The following ZFYVE26 variants were observed in gnomAD, a reference collection of about 807,000 sequenced individuals.
The protein encoded by ZFYVE26 is zinc finger FYVE domain-containing protein 26.
In ZFYVE26, 181 loss-of-function variants were observed where a neutral mutation model predicts 276.5. The ratio of observed to expected loss-of-function variants is 0.65; its 90% CI spans 0.58 to 0.74. The LOEUF is 0.74. Ranked by LOEUF, ZFYVE26 falls within the 30% of genes least tolerant of loss-of-function variation. The pLI is 0.00. For missense variants in ZFYVE26, 2,821 were observed against 3,097.9 expected (o/e 0.91, Z 2.12); for synonymous variants, 1,129 against 1,203.1 (o/e 0.94, Z 1.27).
exon 14 of ZFYVE26, chr14:67,729,422 T>C (rs1474701367): frequency 1.3e-6 from 2 of 1,571,890 alleles, no homozygotes; most frequent in East Asian, 4.5e-5. Context: ...CCTGTGTGCA[T>C]GGGAGGTGCC....
In ZFYVE26 at chr14:67,764,786, G is replaced by A. The variant is rs561917259; in HGVS notation, c.6011+1441C>T. Among the ~76,000 whole-genome samples, 9 of 152,252 alleles carry A rather than the reference G, an allele frequency of 5.9e-5. No homozygotes were observed. In the East Asian group the frequency reaches 1.7e-3, roughly 29 times the overall value. On this transcript the variant is annotated intron_variant, in intron 32 of 41. Coordinates refer to ENST00000347230, the MANE Select transcript of ZFYVE26 (RefSeq NM_015346.4). ...TGTCAAAGACGCGCAAGACACCTTG[G>A]GGTGGGTGAGAATCCTATTAAAGTG...
intron 32 of ZFYVE26, among the ~76,000 whole-genome samples, 184 bp downstream of exon 32, chr14:67,766,043 G>A (rs1185475044): frequency 6.6e-6 from 1 of 152,232 alleles, no homozygotes; most frequent in East Asian, 1.9e-4. Context: ...CAGGGTGTCA[G>A]GTAGGATGGG....
At chr14:67,795,547 G>A (rs756414703) in intron 12 of ZFYVE26, among the ~76,000 whole-genome samples, 24 of 152,082 alleles carry the variant, frequency 1.6e-4, no homozygotes, top group Non-Finnish European at 3.1e-4. Context: ...CAAATTGTTC[G>A]AAGTCAAAAG....
At chr14:67,759,472 A>C (rs1321016929) in intron 35 of ZFYVE26, among the ~76,000 whole-genome samples, 1 of 151,896 alleles carries the variant, frequency 6.6e-6, no homozygotes, top group Non-Finnish European at 1.5e-5. Flanking sequence ...AAAAATACAA[A>C]AATTAGCCAG....
chr14:67,794,290 G>C, intron 12 of ZFYVE26, 51 bp from the exon 13 acceptor site: 1 of 1,576,598 alleles, frequency 6.3e-7, no homozygotes, highest in Non-Finnish European at 8.7e-7. Flanking sequence ...TCCTTATAGA[G>C]TAGGAAGTGT....
At chr14:67,805,828 A>G (rs924692612) in intron 6 of ZFYVE26, among the ~76,000 whole-genome samples, 16 of 152,222 alleles carry the variant, frequency 1.1e-4, no homozygotes, top group Non-Finnish European at 4.4e-5. Flanking sequence ...CAGGAGTTTG[A>G]GACCAGCCTG....
In ZFYVE26 at chr14:67,805,256, G is replaced by A; in HGVS notation, c.1232C>T (p.Ala411Val). ...GCACCACTCCAGGACCTCCAGGTGA[G>A]CCCACAACCCATCACAGGCATCCCT... Reference protein sequence around the residue: ...LLRDACDGLWAHLEVLEWCIQ... With the variant: ...LLRDACDGLWVHLEVLEWCIQ... The change falls in exon 8 of 42, where the codon GCT becomes GTT. Residue 411 changes from alanine (A) to valine (V), a missense_variant. Physicochemically the swap from Ala to Val is moderately conservative, Grantham distance 64. Transcript: ENST00000347230. 1 of 1,614,092 alleles carries A rather than the reference G, an allele frequency of 6.2e-7. No homozygotes were observed. Among genetic ancestry groups the A allele is most frequent in the Non-Finnish European group, 8.5e-7 (1 of 1,179,996 alleles).
intron 16 of ZFYVE26, among the ~76,000 whole-genome samples, chr14:67,788,383 G>A (rs558760498): frequency 2.0e-5 from 3 of 152,286 alleles, no homozygotes; most frequent in South Asian, 2.1e-4. Context: ...GGGACAGAGC[G>A]AGATTCTATC....
At chr14:67,783,783 T>G (rs921520959) in intron 20 of ZFYVE26, among the ~76,000 whole-genome samples, 1 of 152,214 alleles carries the variant, frequency 6.6e-6, no homozygotes, top group African/African-American at 2.4e-5. Flanking sequence ...TAGTATTCCA[T>G]TATATAGATG....
intron 9 of ZFYVE26, 143 bp from the exon 10 acceptor site, chr14:67,802,425 T>C: frequency 1.2e-6 from 1 of 834,346 alleles, no homozygotes; most frequent in East Asian, 2.7e-5. Context: ...GTCTGATCTG[T>C]GTCACTTCTA....
chr14:67,762,872 G>T, intron 32 of ZFYVE26, 53 bp from the exon 33 acceptor site: 1 of 1,607,948 alleles, frequency 6.2e-7, no homozygotes. Context: ...CTTACTAAGA[G>T]TAGCCGCTTA....
At chr14:67,782,501 A>C (rs945353910) in intron 21 of ZFYVE26, among the ~76,000 whole-genome samples, 1 of 152,168 alleles carries the variant, frequency 6.6e-6, no homozygotes, top group Admixed American at 6.5e-5. Context: ...AAACATTTGT[A>C]GTCTGTAGAA....
At chr14:67,794,718 C>T (rs1178517912) in intron 12 of ZFYVE26, among the ~76,000 whole-genome samples, 1 of 152,142 alleles carries the variant, frequency 6.6e-6, no homozygotes, top group East Asian at 1.9e-4. Context: ...GCCGTTGTAG[C>T]AGGATAGCTT....
intron 16 of ZFYVE26, 30 bp downstream of exon 16, chr14:67,789,305 G>A: frequency 3.1e-6 from 5 of 1,613,400 alleles, no homozygotes; most frequent in Non-Finnish European, 4.2e-6. Context: ...ATTTGAGAAT[G>A]AAGGGATACA....
In ZFYVE26 at chr14:67,756,118, C is replaced by T. The variant is rs2038772958; in HGVS notation, c.6616G>A (p.Gly2206Ser). ...KESPPEVFIE[G>S]IFQPSYKSGK... The stretch of plus-strand genomic sequence containing the variant: ...CTTTTATAGCTTGGTTGGAAAATGC[C>T]TTCTATAAAAACTTCTGGAGGACTC... Residue 2206 changes from glycine to serine, a missense_variant, in exon 36 of 42, where the codon GGC becomes AGC. Physicochemically the swap from Gly to Ser is moderately conservative, Grantham distance 56. Transcript: ENST00000347230. The T allele has an allele frequency of 6.2e-7, 1 of 1,614,140 alleles. No homozygotes were observed. Among genetic ancestry groups the T allele is most frequent in the Non-Finnish European group, 8.5e-7 (1 of 1,180,002 alleles).
In ZFYVE26 at chr14:67,789,388, T is replaced by C; in HGVS notation, c.2966A>G (p.Lys989Arg). ...CSQCQLWKTC[K>R]QLLETAERRL... ...CCGTTCGGCTGTCTCCAAAAGCTGC[T>C]TGCAGGTTTTCCAGAGCTGGCACTG... The change falls in exon 16 of 42, where the codon AAG becomes AGG. Residue 989 changes from lysine to arginine, a missense_variant. Coordinates refer to ENST00000347230, the MANE Select transcript of ZFYVE26 (RefSeq NM_015346.4). The C allele has an allele frequency of 1.2e-6, 2 of 1,614,200 alleles. No individual in the cohort carries two copies. The highest frequency in any genetic ancestry group is 1.7e-6 in the Non-Finnish European group (2 of 1,180,046).
Position 67,754,219 on chromosome 14 carries a change from T to C in ZFYVE26, c.6987-7A>G. The C allele has an allele frequency of 6.2e-7, 1 of 1,614,150 alleles. No homozygotes were observed. Among genetic ancestry groups the C allele is most frequent in the East Asian group, 2.2e-5 (1 of 44,872 alleles). ...CTGAAGTGTGTTCATGTGCCTGTGG[T>C]GACAGAATATGCACAGTCCAGCCTC... On this transcript the variant is annotated splice_region_variant and splice_polypyrimidine_tract_variant and intron_variant, in intron 37 of 41. Coordinates refer to ENST00000347230, the MANE Select transcript of ZFYVE26 (RefSeq NM_015346.4).
At chr14:67,773,921 G>C (rs575740834) in intron 27 of ZFYVE26, among the ~76,000 whole-genome samples, 17 of 152,250 alleles carry the variant, frequency 1.1e-4, no homozygotes, top group African/African-American at 4.1e-4. Flanking sequence ...GCCATTGTGT[G>C]GGGGCTGGAG....
intron 13 of ZFYVE26, among the ~76,000 whole-genome samples, chr14:67,740,130 A>G (rs1171226468): frequency 1.3e-5 from 2 of 152,094 alleles, no homozygotes; most frequent in African/African-American, 4.8e-5. Flanking sequence ...CAGCTATTCC[A>G]TTTCTGGGCC....
Sources: allele counts gnomAD v4.1 joint callset (sites outside exome capture counted in the v4.1 genomes callset), GRCh38; gene constraint gnomAD v4.1.1; transcripts MANE v1.5; gene names NCBI Gene and HGNC (gene_info 2026-07-23, HGNC 2026-07-21).